Variants in MMP26 observed in about 807,000 individuals in gnomAD.
The protein encoded by MMP26 is matrix metallopeptidase 26, also known as matrix metalloproteinase-26.
A neutral mutation model predicts 31.0 loss-of-function variants in MMP26; 33 were observed. The observed-to-expected ratio is 1.06, with a 90% CI of 0.81 to 1.42. The LOEUF is 1.42. Ranked by LOEUF, MMP26 falls within the 40% of genes most tolerant of loss-of-function variation. The probability of loss-of-function intolerance (pLI) is 0.00; values close to 1 mark genes in which losing one functional copy is unlikely to be tolerated. For synonymous variants in MMP26, 122 were observed against 114.9 expected, an observed-to-expected ratio of 1.06 and a Z score of -0.40; for missense variants, 347 against 316.1, an observed-to-expected ratio of 1.10 and a Z score of -0.74.
intron 2 of MMP26, among the ~76,000 whole-genome samples, chr11:4,896,237 T>C (rs1156690044): frequency 6.6e-6 from 1 of 152,154 alleles, no homozygotes; most frequent in African/African-American, 2.4e-5. Flanking sequence ...TACCATTTAA[T>C]TACATAGAAA....
At chr11:4,769,773 A>T in intron 2 of MMP26, 1 of 1,613,960 alleles carries the variant, frequency 6.2e-7, no homozygotes, top group African/African-American at 1.3e-5. Flanking sequence ...ATGATGACAA[A>T]CAGGATCACG....
At chr11:4,735,232 A>T (rs1031216844) in intron 1 of MMP26, among the ~76,000 whole-genome samples, 10 of 152,110 alleles carry the variant, frequency 6.6e-5, no homozygotes, top group African/African-American at 2.4e-4. Context: ...GATTTAACAC[A>T]TTTTCTTGAA....
At chr11:4,722,107 T>A (rs1228610620) in intron 1 of MMP26, among the ~76,000 whole-genome samples, 1 of 152,248 alleles carries the variant, frequency 6.6e-6, no homozygotes, top group Non-Finnish European at 1.5e-5. Context: ...CAGAAGTCGC[T>A]ATACTTCTTG....
At chr11:4,753,266 C>T (rs1848468575) in intron 1 of MMP26, among the ~76,000 whole-genome samples, 1 of 152,054 alleles carries the variant, frequency 6.6e-6, no homozygotes, top group African/African-American at 2.4e-5. Context: ...TCTTCCTATA[C>T]TTGATTTTTA....
intron 1 of MMP26, among the ~76,000 whole-genome samples, chr11:4,728,494 G>C (rs1049920656): frequency 2.6e-5 from 4 of 152,192 alleles, no homozygotes; most frequent in Non-Finnish European, 5.9e-5. Flanking sequence ...CAGCCCTGGA[G>C]TGCCCATGGG....
At chr11:4,798,249 G>C (rs1309341042) in intron 2 of MMP26, among the ~76,000 whole-genome samples, 1 of 152,206 alleles carries the variant, frequency 6.6e-6, no homozygotes, top group Non-Finnish European at 1.5e-5. Flanking sequence ...CACATCACCT[G>C]GACCTTTCTT....
intron 1 of MMP26, chr11:4,709,574 A>G (rs879213745): frequency 6.8e-6 from 3 of 443,846 alleles, no homozygotes; most frequent in Non-Finnish European, 4.6e-6. Flanking sequence ...TCATCATGCC[A>G]TCCTTCAACC....
intron 2 of MMP26, among the ~76,000 whole-genome samples, chr11:4,808,151 A>G (rs1039083244): frequency 6.6e-6 from 1 of 152,034 alleles, no homozygotes; most frequent in Non-Finnish European, 1.5e-5. Flanking sequence ...GCATCCTCCT[A>G]TAACAATGAG....
chr11:4,755,372 C>T (rs1022135231), intron 1 of MMP26, among the ~76,000 whole-genome samples: 1 of 151,858 alleles, frequency 6.6e-6, no homozygotes, highest in African/African-American at 2.4e-5. Context: ...AAAATATCAG[C>T]CCACATTGAA....
At chr11:4,908,385 AG>A in intron 2 of MMP26, 1 of 1,215,220 alleles carries the variant, frequency 8.2e-7, no homozygotes. Flanking sequence ...ATGCCATAGA[AG>A]TCACTAATGA....
intron 2 of MMP26, among the ~76,000 whole-genome samples, chr11:4,975,507 A>G (rs989519828): frequency 6.6e-6 from 1 of 152,014 alleles, no homozygotes; most frequent in Non-Finnish European, 1.5e-5. Context: ...TTATTTGCTT[A>G]TTTATTCCAT....
chr11:4,715,930 AG>A (rs919696881), intron 1 of MMP26, among the ~76,000 whole-genome samples: 1 of 152,240 alleles, frequency 6.6e-6, no homozygotes, highest in Non-Finnish European at 1.5e-5. Context: ...GTTAATCAAA[AG>A]GAAGACTATC....
chr11:4,713,889 T>G (rs1847892801), intron 1 of MMP26, among the ~76,000 whole-genome samples: 1 of 152,032 alleles, frequency 6.6e-6, no homozygotes, highest in Admixed American at 6.5e-5. Context: ...CAGCAGTCCC[T>G]TCATGGAAAC....
At chr11:4,786,682 T>C (rs959455757) in intron 2 of MMP26, 5 of 152,058 alleles carry the variant, frequency 3.3e-5, no homozygotes, top group African/African-American at 1.2e-4. Context: ...CAGGCACAGA[T>C]AGATTTGGAA....
chr11:4,830,098 G>A (rs182086958), intron 2 of MMP26: 1 of 152,164 alleles, frequency 6.6e-6, no homozygotes, highest in Non-Finnish European at 1.5e-5. Context: ...TCTCAGGAGG[G>A]TGTTCCTCGG....
chr11:4,848,658 T>G lies in MMP26; in HGVS notation c.-145+81317T>G, dbSNP rs1227035042. The G allele has an allele frequency of 5.6e-6, 9 of 1,613,640 alleles. No homozygotes were observed. In the East Asian group the frequency reaches 2.0e-4, roughly 36 times the overall value. ...CACATCTGGATGCAAGCAATAAGAATGGGTTAGGACCTGTGGGAGGCAGTA... is the reference window on the plus strand; with the variant it reads ...CACATCTGGATGCAAGCAATAAGAAGGGGTTAGGACCTGTGGGAGGCAGTA... On this transcript the variant is annotated intron_variant, in intron 2 of 7. Coordinates refer to ENST00000380390, the MANE Select transcript of MMP26 (RefSeq NM_021801.5).
At chr11:4,776,408 A>C (rs1848791411) in intron 2 of MMP26, among the ~76,000 whole-genome samples, 1 of 152,076 alleles carries the variant, frequency 6.6e-6, no homozygotes. Context: ...ATTCCCACCA[A>C]GACTGTATAA....
intron 2 of MMP26, among the ~76,000 whole-genome samples, chr11:4,817,136 A>G (rs1849432492): frequency 1.3e-5 from 2 of 152,260 alleles, no homozygotes; most frequent in East Asian, 1.9e-4. Flanking sequence ...AAACAAATAT[A>G]AAATCATAGC....
intron 1 of MMP26, among the ~76,000 whole-genome samples, chr11:4,766,678 C>A (rs113561152): frequency 0.078 from 10,462 of 134,936 alleles, 443 homozygotes; most frequent in Middle Eastern, 0.14. Flanking sequence ...TCCTTAATTT[C>A]TCTCCCACTT....
Sources: gnomAD v4.1 joint callset for allele counts (sites outside exome capture counted in the v4.1 genomes callset) on GRCh38, gnomAD v4.1.1 for gene constraint, MANE v1.5 for transcripts, NCBI Gene and HGNC (gene_info 2026-07-23, HGNC 2026-07-21) for gene names.